The following ERC1 variants were observed in gnomAD, a reference collection of about 807,000 sequenced individuals.
ERC1 encodes the protein ELKS/RAB6-interacting/CAST family member 1, also known as RAB6 interacting protein 2.
Under a neutral mutation model 132.0 loss-of-function variants are expected in ERC1, and 56 were observed. The ratio of observed to expected loss-of-function variants is 0.42; its 90% CI spans 0.34 to 0.53. The LOEUF (loss-of-function observed/expected upper bound fraction) is 0.53, where lower values mean the gene tolerates loss of function less well. ERC1 is among the 20% of genes least tolerant of loss of function. The pLI is 0.03. For synonymous variants in ERC1, 478 were observed against 476.1 expected, an observed-to-expected ratio of 1.00 and a Z score of -0.05; for missense variants, 1,202 against 1,349.9, an observed-to-expected ratio of 0.89 and a Z score of 1.72.
At chr12:1,051,190 T>A (rs549703937) in intron 2 of ERC1, among the ~76,000 whole-genome samples, 4 of 152,298 alleles carry the variant, frequency 2.6e-5, no homozygotes, top group Admixed American at 6.5e-5. Flanking sequence ...GGGGCATTTT[T>A]AAAATACTTT....
At chr12:990,462 G>C (rs1592512761), upstream of ERC1, 2 of 152,174 alleles carry the variant, frequency 1.3e-5, no homozygotes, top group Non-Finnish European at 2.9e-5. Flanking sequence ...CTTAGCTGTC[G>C]GAGGCTAAAT....
At chr12:1,350,804 A>G (rs887420674) in intron 15 of ERC1, among the ~76,000 whole-genome samples, 1 of 152,228 alleles carries the variant, frequency 6.6e-6, no homozygotes, top group Non-Finnish European at 1.5e-5. Flanking sequence ...GTTCAAGGGC[A>G]TGGCCCTGGC....
intron 1 of ERC1, among the ~76,000 whole-genome samples, chr12:1,006,102 G>A (rs1296112215): frequency 2.0e-5 from 3 of 151,734 alleles, no homozygotes; most frequent in Non-Finnish European, 4.4e-5. Flanking sequence ...GAATACAGGC[G>A]CCTGCCACCA....
At chr12:1,420,929 G>A (rs956478231) in intron 17 of ERC1, among the ~76,000 whole-genome samples, 1 of 142,322 alleles carries the variant, frequency 7.0e-6, no homozygotes, top group Non-Finnish European at 1.5e-5. Flanking sequence ...TGGGGGGGGG[G>A]GGGGTTAATT....
intron 15 of ERC1, among the ~76,000 whole-genome samples, chr12:1,359,242 T>C (rs773054877): frequency 9.2e-5 from 14 of 152,156 alleles, no homozygotes; most frequent in Non-Finnish European, 1.5e-4. Context: ...AAATTAAACA[T>C]ATTTTCTTTA....
intron 15 of ERC1, among the ~76,000 whole-genome samples, chr12:1,341,132 C>T (rs866120764): frequency 1.1e-4 from 9 of 82,264 alleles, no homozygotes; most frequent in Non-Finnish European, 6.7e-5. Flanking sequence ...CTTACTCTGT[C>T]GCCCAGGCTG....
intron 11 of ERC1, among the ~76,000 whole-genome samples, chr12:1,187,471 T>G (rs1955229327): frequency 6.6e-6 from 1 of 152,062 alleles, no homozygotes; most frequent in Admixed American, 6.5e-5. Context: ...CCCATTGTGT[T>G]TCCCTGGCAG....
chr12:1,161,070 G>T (rs1457678431), intron 8 of ERC1, among the ~76,000 whole-genome samples: 1 of 152,120 alleles, frequency 6.6e-6, no homozygotes, highest in Non-Finnish European at 1.5e-5. Flanking sequence ...GTTCTTGTGG[G>T]TCTCCCAGTC....
At chr12:1,041,792 T>C in intron 2 of ERC1, among the ~76,000 whole-genome samples, 1 of 152,210 alleles carries the variant, frequency 6.6e-6, no homozygotes, top group Non-Finnish European at 1.5e-5. Flanking sequence ...GGTAACTTTG[T>C]TGATTTGTTG....
intron 12 of ERC1, among the ~76,000 whole-genome samples, chr12:1,197,584 C>T (rs1024024040): frequency 6.6e-6 from 1 of 152,160 alleles, no homozygotes; most frequent in Non-Finnish European, 1.5e-5. Flanking sequence ...CTGCTAGGGG[C>T]CAGTTTTTCT....
At chr12:1,435,213 A>G (rs143104935) in intron 17 of ERC1, among the ~76,000 whole-genome samples, 193 of 152,250 alleles carry the variant, frequency 1.3e-3, no homozygotes, top group African/African-American at 4.4e-3. Flanking sequence ...AGGAAGTACA[A>G]CTCTGTCAGA....
intron 8 of ERC1, among the ~76,000 whole-genome samples, chr12:1,170,341 T>TA (rs575825534): frequency 2.0e-4 from 31 of 152,322 alleles, no homozygotes; most frequent in African/African-American, 7.2e-4. Context: ...ATGGATTTTT[T>TA]TAAAAAATTA....
intron 2 of ERC1, among the ~76,000 whole-genome samples, chr12:1,059,765 T>G (rs185621429): frequency 6.6e-6 from 1 of 152,324 alleles, no homozygotes; most frequent in East Asian, 1.9e-4. Flanking sequence ...TTTTTGCATC[T>G]GTGTTCATCA....
chr12:1,459,954 A>G (rs149409831), intron 18 of ERC1, among the ~76,000 whole-genome samples: 1 of 152,352 alleles, frequency 6.6e-6, no homozygotes, highest in African/African-American at 2.4e-5. Flanking sequence ...ACAGATAGAG[A>G]CAGATGTGTA....
intron 12 of ERC1, among the ~76,000 whole-genome samples, chr12:1,217,666 C>A (rs1169616157): frequency 1.3e-5 from 2 of 152,220 alleles, no homozygotes; most frequent in African/African-American, 4.8e-5. Context: ...CTCGTCTCCA[C>A]TCCAATTATT....
At chr12:1,062,875 T>C (rs1441426699) in intron 2 of ERC1, among the ~76,000 whole-genome samples, 1 of 152,212 alleles carries the variant, frequency 6.6e-6, no homozygotes, top group African/African-American at 2.4e-5. Context: ...GCTTTATAGC[T>C]GGGTGCTTTG....
chr12:1,394,256 C>T (rs963116815), intron 16 of ERC1, among the ~76,000 whole-genome samples: 9 of 151,392 alleles, frequency 5.9e-5, no homozygotes, highest in East Asian at 2.0e-4. Flanking sequence ...AAAAATTAGC[C>T]AGGCGTGGTG....
rs1566021793 is a variant in ERC1 at position 1,122,607 on chromosome 12, ATCTCTATCTCTATCTGTGTCTC to A, written c.1569+6576_1569+6597del. ...TATCTCTATCTCTATCTGTGTCTCT[ATCTCTATCTCTATCTGTGTCTC>A]TATCTCTATCTCTATCTCTATCTCT... is the stretch of plus-strand genomic sequence containing the variant. On this transcript the variant is annotated intron_variant, in intron 7 of 18. Transcript: ENST00000360905. Among the ~76,000 whole-genome samples the A allele has an allele frequency of 6.6e-4, 9 of 13,668 alleles. 1 individual carries two copies. The highest frequency in any genetic ancestry group is 2.0e-3 in the Admixed American group (2 of 1,006). 9.0% of individuals were successfully genotyped at this position (13,668 alleles called of 152,430 possible). A position where few individuals can be genotyped will look rare whatever the true frequency, so the allele number is the denominator to read the frequency against.
At chr12:1,248,185 C>G (rs2076269941) in intron 13 of ERC1, among the ~76,000 whole-genome samples, 1 of 152,108 alleles carries the variant, frequency 6.6e-6, no homozygotes. Flanking sequence ...TTTAAACATA[C>G]TTGAGATGTC....
Sources: gnomAD v4.1 joint callset for allele counts (sites outside exome capture counted in the v4.1 genomes callset) on GRCh38, gnomAD v4.1.1 for gene constraint, MANE v1.5 for transcripts, NCBI Gene and HGNC (gene_info 2026-07-23, HGNC 2026-07-21) for gene names.